GOSR1: variants seen among roughly 807,000 people sequenced by gnomAD.
The protein encoded by GOSR1 is 28 kDa Golgi SNARE protein.
In GOSR1, 21 loss-of-function variants were observed where a neutral mutation model predicts 35.5. The observed-to-expected ratio is 0.59, with a 90% CI of 0.42 to 0.85. The LOEUF (loss-of-function observed/expected upper bound fraction) is 0.85. Among genes scored for constraint, GOSR1 ranks in the 40% least tolerant of loss-of-function variants. GOSR1 has a pLI of 0.00. For synonymous variants in GOSR1, 94 were observed against 106.6 expected (o/e 0.88, Z 0.73); for missense variants, 285 against 309.6 (o/e 0.92, Z 0.60).
intron 4 of GOSR1, among the ~76,000 whole-genome samples, chr17:30,486,545 T>C (rs911398910): frequency 4.0e-5 from 6 of 151,072 alleles, no homozygotes; most frequent in African/African-American, 1.5e-4. Context: ...GATGTAAATA[T>C]TGGAAAGGAA....
chr17:30,494,428 G>GT (rs1178698646), intron 6 of GOSR1, among the ~76,000 whole-genome samples: 1 of 152,102 alleles, frequency 6.6e-6, no homozygotes, highest in East Asian at 1.9e-4. Context: ...GTAACTACTT[G>GT]TTTTTTGCTG....
chr17:30,499,216 C>T (rs1218107422), intron 6 of GOSR1, among the ~76,000 whole-genome samples: 1 of 152,004 alleles, frequency 6.6e-6, no homozygotes, highest in Non-Finnish European at 1.5e-5. Flanking sequence ...TATGATATAC[C>T]ACGATTTCTT....
intron 6 of GOSR1, chr17:30,495,541 C>T (rs1966964046): frequency 2.5e-6 from 1 of 401,156 alleles, no homozygotes; most frequent in Non-Finnish European, 5.0e-6. Flanking sequence ...GTAGATCAGT[C>T]ACCTTTTACC....
intron 7 of GOSR1, among the ~76,000 whole-genome samples, chr17:30,514,501 G>A (rs1234378868): frequency 6.6e-6 from 1 of 152,156 alleles, no homozygotes; most frequent in East Asian, 1.9e-4. Flanking sequence ...AACCAAGATA[G>A]AATTCTGAGT....
At chr17:30,481,988 A>T (rs568916054) in intron 2 of GOSR1, among the ~76,000 whole-genome samples, 96 of 152,092 alleles carry the variant, frequency 6.3e-4, no homozygotes, top group Middle Eastern at 3.4e-3. Context: ...ATAAAAAAAA[A>T]TTTTTTAATT....
chr17:30,519,648 C>G (rs1472240320), intron 7 of GOSR1: 1 of 233,578 alleles, frequency 4.3e-6, no homozygotes, highest in Non-Finnish European at 8.2e-6. Flanking sequence ...TTTTAAGAAG[C>G]TTTTGTAATA....
chr17:30,503,089 T>C (rs1967274851), intron 6 of GOSR1, among the ~76,000 whole-genome samples: 1 of 152,240 alleles, frequency 6.6e-6, no homozygotes, highest in African/African-American at 2.4e-5. Flanking sequence ...TTGTTTGCTT[T>C]CTTATTTAGT....
chr17:30,500,484 T>C (rs983371970), intron 6 of GOSR1, among the ~76,000 whole-genome samples: 1 of 152,226 alleles, frequency 6.6e-6, no homozygotes, highest in Non-Finnish European at 1.5e-5. Context: ...TTGAAAAGAC[T>C]CTTTTCCTCT....
intron 6 of GOSR1, among the ~76,000 whole-genome samples, chr17:30,506,746 ACG>A (rs1317493357): frequency 6.6e-6 from 1 of 152,210 alleles, no homozygotes; most frequent in African/African-American, 2.4e-5. Context: ...CCTCCTAGAG[ACG>A]AGAAGTCAGT....
chr17:30,495,846 A>C (rs1205885387), intron 6 of GOSR1, among the ~76,000 whole-genome samples: 1 of 152,254 alleles, frequency 6.6e-6, no homozygotes, highest in Non-Finnish European at 1.5e-5. Flanking sequence ...GGCTAAAGAA[A>C]AAGCAACTAG....
intron 4 of GOSR1, chr17:30,485,270 A>AT (rs1324966154): frequency 0.06 from 9,726 of 163,128 alleles, 180 homozygotes; most frequent in South Asian, 0.079. Flanking sequence ...TAGGAAGGCA[A>AT]TTTTTTTTTT....
intron 6 of GOSR1, among the ~76,000 whole-genome samples, chr17:30,495,274 A>G (rs977743466): frequency 2.9e-4 from 44 of 152,006 alleles, no homozygotes; most frequent in African/African-American, 9.9e-4. Context: ...CAGACAGACT[A>G]TATTACCTCA....
chr17:30,523,324 G>A lies in GOSR1; in HGVS notation c.*946G>A, dbSNP rs61429680. 0.42 allele frequency: 74,593 copies of A among 175,792 alleles called. 16,355 individuals carry two copies. The highest frequency in any genetic ancestry group is 0.81 in the East Asian group (4,328 of 5,340). The allele number at this position is 175,792 out of a possible 1,614,324, so 10.9% of individuals were successfully genotyped here. A position where few individuals can be genotyped will look rare whatever the true frequency, so the allele number is the denominator to read the frequency against. On this transcript the variant is annotated 3_prime_UTR_variant, in exon 9 of 9. Transcript: ENST00000451249. ...TGCCCCGCCGCCCCGTCTGGGATGT[G>A]AGGAGCTCCTCTGCCCGGCCGCGAC...
chr17:30,496,126 A>G (rs1358348847), intron 6 of GOSR1, among the ~76,000 whole-genome samples: 4 of 151,838 alleles, frequency 2.6e-5, no homozygotes, highest in Non-Finnish European at 5.9e-5. Context: ...CCCCTTTCCT[A>G]TAGTTGTTAA....
rs544395650 is a variant in GOSR1, at chr17:30,522,986, G to A, written c.*608G>A. The A allele has an allele frequency of 5.3e-5, 11 of 208,184 alleles. No individual in the cohort carries two copies. The highest frequency in any genetic ancestry group is 9.4e-5 in the Non-Finnish European group (10 of 106,112). 12.9% of individuals were successfully genotyped at this position (208,184 alleles called of 1,614,324 possible). A position where few individuals can be genotyped will look rare whatever the true frequency, so the allele number is the denominator to read the frequency against. On this transcript the variant is annotated 3_prime_UTR_variant, in exon 9 of 9. Coordinates refer to ENST00000451249, the MANE Select transcript of GOSR1 (RefSeq NM_001007025.2). ...GAGCGCCGCCACGCCTGACTGCCTC[G>A]GCCTCCCGAGGTGCCGGGATTGCAG...
chr17:30,512,481 ATC>A (rs577425803), intron 7 of GOSR1, among the ~76,000 whole-genome samples: 2 of 152,164 alleles, frequency 1.3e-5, no homozygotes, highest in Non-Finnish European at 2.9e-5. Flanking sequence ...TTTCCTAAAT[ATC>A]TGTTTCTTTT....
intron 4 of GOSR1, among the ~76,000 whole-genome samples, chr17:30,486,996 C>T (rs1046118280): frequency 7.3e-5 from 11 of 151,698 alleles, no homozygotes; most frequent in Non-Finnish European, 4.4e-5. Flanking sequence ...ACAAGAACAA[C>T]CAAGAAAAAC....
At position 30,496,142 on chromosome 17, in the gene GOSR1, G is replaced by A. The variant is rs529287763; in HGVS notation, c.509+3389G>A. The stretch of plus-strand genomic sequence containing the variant: ...CCCTTTCCTATAGTTGTTAAGGGAT[G>A]GAATATTTGTCCTGAGAAGGCCAAT... On this transcript the variant is annotated intron_variant, in intron 6 of 8. Coordinates refer to ENST00000451249, the MANE Select transcript of GOSR1 (RefSeq NM_001007025.2). Among the ~76,000 whole-genome samples the A allele has an allele frequency of 2.0e-5, 3 of 152,250 alleles. No individual in the cohort carries two copies. The South Asian group carries it at 6.2e-4, about 32-fold the overall frequency.
At position 30,490,198 on chromosome 17, in the gene GOSR1, T is replaced by C. The variant is rs762382023; in HGVS notation, c.415T>C (p.Ser139Pro). The change falls in exon 5 of 9, where the codon TCA becomes CCA. Residue 139 changes from serine (S) to proline (P), a missense_variant. Ser to Pro is a moderately conservative substitution (Grantham distance 74, BLOSUM62 -1). Coordinates refer to ENST00000451249, the MANE Select transcript of GOSR1 (RefSeq NM_001007025.2). ...ACGGGAAAGGGAGAATCTTATGGGA[T>C]CAGTACGAAAAGATATTGAGTAAGT... Reference protein sequence around the residue: ...AIRERENLMGSVRKDIESYKS... With the variant: ...AIRERENLMGPVRKDIESYKS... 2.0e-6 allele frequency: 3 copies of C among 1,527,336 alleles called. No individual in the cohort carries two copies. The Admixed American group carries it at 5.0e-5, about 25-fold the overall frequency. The allele number at this position is 1,527,336 out of a possible 1,614,324, so 94.6% of individuals were successfully genotyped here.
Sources: allele counts gnomAD v4.1 joint callset (sites outside exome capture counted in the v4.1 genomes callset), GRCh38; gene constraint gnomAD v4.1.1; transcripts MANE v1.5; gene names NCBI Gene and HGNC (gene_info 2026-07-23, HGNC 2026-07-21).